ABCC8: variants seen among roughly 807,000 people sequenced by gnomAD.
The protein encoded by ABCC8 is ATP binding cassette subfamily C member 8.
A neutral mutation model predicts 188.0 loss-of-function variants in ABCC8; 137 were observed. That is an observed-to-expected ratio of 0.73 (90% CI 0.63 to 0.84). The LOEUF (loss-of-function observed/expected upper bound fraction) is 0.84, where lower values mean the gene tolerates loss of function less well. Ranked by LOEUF, ABCC8 falls within the 40% of genes least tolerant of loss-of-function variation. The pLI, the probability that ABCC8 is intolerant of heterozygous loss-of-function variation, is 0.00. For missense variants in ABCC8, 1,750 were observed against 2,072.7 expected, an observed-to-expected ratio of 0.84 and a Z score of 3.02; for synonymous variants, 797 against 846.5, an observed-to-expected ratio of 0.94 and a Z score of 1.01.
At chr11:17,472,569 G>C (rs1848538844) in intron 2 of ABCC8, among the ~76,000 whole-genome samples, 2 of 152,120 alleles carry the variant, frequency 1.3e-5, no homozygotes, top group South Asian at 4.1e-4. Flanking sequence ...GTATCACAAG[G>C]GTCTGTGACT....
chr11:17,450,640 A>G (rs867121627), intron 7 of ABCC8, among the ~76,000 whole-genome samples: 61 of 122,142 alleles, frequency 5.0e-4, no homozygotes, highest in African/African-American at 1.9e-3. Flanking sequence ...CTTGTGATCC[A>G]CCCGCCTTGG....
rs1285524167 is a variant in ABCC8 at position 17,475,004 on chromosome 11, C to T, written c.172G>A (p.Val58Met). The T allele has an allele frequency of 5.0e-6, 8 of 1,614,140 alleles. No homozygotes were observed. The highest frequency in any genetic ancestry group is 6.8e-6 in the Non-Finnish European group (8 of 1,180,014). ...AGCCATGTGCTGTGGTGGATGTGCACCTTGGAGCTCTGACTTCCCCATCCT... is the reference window on the plus strand; with the variant it reads ...AGCCATGTGCTGTGGTGGATGTGCATCTTGGAGCTCTGACTTCCCCATCCT... ...FIGWGSQSSK[V>M]HIHHSTWLHF... The change falls in exon 2 of 39, where the codon GTG (valine) becomes ATG (methionine). Residue 58 changes from valine (V) to methionine (M), a missense_variant. Physicochemically the swap from Val to Met is conservative, Grantham distance 21. Coordinates refer to ENST00000389817, the MANE Select transcript of ABCC8 (RefSeq NM_000352.6).
chr11:17,409,119 A>AT lies in ABCC8; in HGVS notation c.2695-603dup, dbSNP rs34715760. On this transcript the variant is annotated intron_variant, in intron 22 of 38. Transcript: ENST00000389817. ...AGGTGCACGCCACCATACCTGGCTA[A>AT]TTTTTTTTTTTTTTTTTATAGAGAT... Among the ~76,000 whole-genome samples the AT allele has an allele frequency of 2.0e-3, 276 of 141,376 alleles. 1 individual carries two copies. The highest frequency in any genetic ancestry group is 2.4e-3 in the Non-Finnish European group (156 of 64,944). The allele number at this position is 141,376 out of a possible 152,430, so 92.7% of individuals were successfully genotyped here. A position where few individuals can be genotyped will look rare whatever the true frequency, so the allele number is the denominator to read the frequency against.
chr11:17,405,717 C>G lies in ABCC8; in HGVS notation c.3330-154G>C, dbSNP rs959415537. ...TTTGTAGACATCTGGCCTGTATCCC[C>G]GTGAATTCCTGCAGCTGCCCAAAGG... On this transcript the variant is annotated intron_variant, in intron 26 of 38. Coordinates refer to ENST00000389817, the MANE Select transcript of ABCC8 (RefSeq NM_000352.6). 21 of 925,896 alleles carry G rather than the reference C, an allele frequency of 2.3e-5. No homozygotes were observed. The African/African-American group carries it at 3.6e-4, about 16-fold the overall frequency. The allele number at this position is 925,896 out of a possible 1,614,324, so 57.4% of individuals were successfully genotyped here.
intron 33 of ABCC8, 87 bp downstream of exon 33, chr11:17,396,829 G>A (rs966496059): frequency 2.4e-5 from 37 of 1,548,170 alleles, no homozygotes; most frequent in Middle Eastern, 1.9e-4. Flanking sequence ...AGGGCCACGA[G>A]GTGACTGCGA....
At chr11:17,453,014 T>C in intron 7 of ABCC8, 105 bp downstream of exon 7, 2 of 1,120,564 alleles carry the variant, frequency 1.8e-6, no homozygotes, top group Non-Finnish European at 2.7e-6. Context: ...AAAATAAATT[T>C]ACAGCAGAAT....
chr11:17,414,813 G>C, intron 18 of ABCC8: 1 of 546,032 alleles, frequency 1.8e-6, no homozygotes, highest in Non-Finnish European at 2.3e-6. Flanking sequence ...GACTGGGGCA[G>C]CAGGACCTCA....
At position 17,449,804 on chromosome 11, in the gene ABCC8, T is replaced by C. The variant is rs1227485403; in HGVS notation, c.1177-1133A>G. ...TTTCTTAAGGCAGGAACCTATTCTA[T>C]GTCTTTCTGTGAGCTAATATACACC... On this transcript the variant is annotated intron_variant, in intron 7 of 38. Coordinates refer to ENST00000389817, the MANE Select transcript of ABCC8 (RefSeq NM_000352.6). Among the ~76,000 whole-genome samples, 3 of 152,226 alleles carry C rather than the reference T, an allele frequency of 2.0e-5. No homozygotes were observed. In the East Asian group the frequency reaches 5.8e-4, roughly 29 times the overall value.
rs554928830 is a variant in ABCC8 at position 17,449,050 on chromosome 11, C to T, written c.1177-379G>A. On this transcript the variant is annotated intron_variant, in intron 7 of 38. Transcript: ENST00000389817. Reference sequence around the variant, plus strand: ...CAAGCAATTCTCATGCCTCAGCCTCCGGAGTAGCTGGAATTATAGGCACGT... The same window carrying T: ...CAAGCAATTCTCATGCCTCAGCCTCTGGAGTAGCTGGAATTATAGGCACGT... 1.6e-4 allele frequency among the ~76,000 whole-genome samples: 25 copies of T among 152,288 alleles called. No individual in the cohort carries two copies. In the South Asian group the frequency reaches 1.9e-3, roughly 11 times the overall value.
intron 10 of ABCC8, among the ~76,000 whole-genome samples, chr11:17,436,533 A>T (rs894448755): frequency 6.6e-6 from 1 of 152,332 alleles, no homozygotes; most frequent in East Asian, 1.9e-4. Flanking sequence ...GACTCACCTT[A>T]ATTTGATTTA....
intron 29 of ABCC8, among the ~76,000 whole-genome samples, chr11:17,400,683 G>C (rs1954194634): frequency 6.6e-6 from 1 of 152,226 alleles, no homozygotes; most frequent in Non-Finnish European, 1.5e-5. Flanking sequence ...AGCCCAGAAG[G>C]TCAGGCAAAC....
rs1955661790 is a variant in ABCC8, at chr11:17,427,972, G to A, written c.2041-30C>T. The A allele has an allele frequency of 6.2e-7, 1 of 1,609,712 alleles. No homozygotes were observed. Among genetic ancestry groups the A allele is most frequent in the Non-Finnish European group, 8.5e-7 (1 of 1,177,962 alleles). On this transcript the variant is annotated intron_variant, in intron 14 of 38. Coordinates refer to ENST00000389817, the MANE Select transcript of ABCC8 (RefSeq NM_000352.6). This position sits in a 1 kb window ranked among gnomAD's most constrained non-coding sequence, Gnocchi z 5.0. ...ATTAGGCGTGTCCCACCGCCCAGGA[G>A]AGAACAGAAAGGCAGCCAGTTCCCA...
chr11:17,397,583 AT>A, intron 31 of ABCC8, 100 bp downstream of exon 31: 1 of 1,486,508 alleles, frequency 6.7e-7, no homozygotes, highest in South Asian at 1.2e-5. Flanking sequence ...TGCAAATGAA[AT>A]TGGGGTAAGG....
chr11:17,459,846 G>A (rs555209345), intron 6 of ABCC8, among the ~76,000 whole-genome samples: 263 of 152,328 alleles, frequency 1.7e-3, no homozygotes, highest in Non-Finnish European at 1.1e-3. Context: ...TTGCAGAATC[G>A]TTACAACTGC....
At chr11:17,473,036 C>T (rs1848565267) in intron 2 of ABCC8, among the ~76,000 whole-genome samples, 1 of 152,212 alleles carries the variant, frequency 6.6e-6, no homozygotes, top group Non-Finnish European at 1.5e-5. Context: ...CTTTCTCACA[C>T]ATTTTTAAGT....
intron 3 of ABCC8, among the ~76,000 whole-genome samples, chr11:17,468,406 C>T (rs532626164): frequency 1.3e-5 from 2 of 152,332 alleles, no homozygotes; most frequent in South Asian, 2.1e-4. Context: ...CTTAGACACA[C>T]AGGCTGAACC....
rs548827772 is a variant in ABCC8 at position 17,475,079 on chromosome 11, G to C, written c.149-52C>G. On this transcript the variant is annotated intron_variant, in intron 1 of 38. Transcript: ENST00000389817. ...GATGCCTGCCCACTTGGAGGAGGAAGAGGGTGCATGAACCCCAGAAAGGTG... is the reference window on the plus strand; with the variant it reads ...GATGCCTGCCCACTTGGAGGAGGAACAGGGTGCATGAACCCCAGAAAGGTG... The C allele has an allele frequency of 3.1e-6, 5 of 1,609,530 alleles. No homozygotes were observed. The East Asian group carries it at 1.1e-4, about 36-fold the overall frequency.
chr11:17,435,934 G>T, intron 10 of ABCC8: 1 of 1,539,182 alleles, frequency 6.5e-7, no homozygotes, highest in Non-Finnish European at 9.0e-7. Context: ...GCCAAAAAGA[G>T]AGACCCCTGC....
rs1225936317 is a variant in ABCC8 at position 17,428,533 on chromosome 11, C to T, written c.1923+32G>A. The T allele has an allele frequency of 4.3e-6, 7 of 1,613,232 alleles. No individual in the cohort carries two copies. The African/African-American group carries it at 5.3e-5, about 12-fold the overall frequency. On this transcript the variant is annotated intron_variant, in intron 13 of 38. Transcript: ENST00000389817. ...AAGTTTTGGGCCTTAGAGGACCATG[C>T]TGGGAGTAGCAAGGGGAGGCCGGGC...
Sources: allele counts gnomAD v4.1 joint callset (sites outside exome capture counted in the v4.1 genomes callset), GRCh38; gene constraint gnomAD v4.1.1; non-coding constraint Gnocchi (gnomAD v3.1); transcripts MANE v1.5; gene names NCBI Gene and HGNC (gene_info 2026-07-23, HGNC 2026-07-21).